MYT1L: variants seen among roughly 807,000 people sequenced by gnomAD.
MYT1L encodes the protein myelin transcription factor 1 like, also known as myelin transcription factor 1-like protein.
A neutral mutation model predicts 126.7 loss-of-function variants in MYT1L; 12 were observed. The observed-to-expected ratio is 0.09, with a 90% CI of 0.06 to 0.15. The LOEUF is 0.15. MYT1L is among the 10% of genes least tolerant of loss of function. The pLI, the probability that MYT1L is intolerant of heterozygous loss-of-function variation, is 1.00. For missense variants in MYT1L, 979 were observed against 1,585.2 expected (o/e 0.62, Z 6.49); for synonymous variants, 541 against 604.2 (o/e 0.90, Z 1.53).
chr2:2,043,803 T>C (rs1400988920), intron 4 of MYT1L, among the ~76,000 whole-genome samples: 1 of 152,228 alleles, frequency 6.6e-6, no homozygotes, highest in Non-Finnish European at 1.5e-5. Flanking sequence ...ATGAATATGG[T>C]ACATAAAAAC....
At chr2:2,322,606 AC>A (rs1054909203) in intron 1 of MYT1L, among the ~76,000 whole-genome samples, 3 of 151,956 alleles carry the variant, frequency 2.0e-5, no homozygotes, top group South Asian at 4.2e-4. Flanking sequence ...AAAAAAAAAA[AC>A]AAAATAGCTG....
At chr2:2,250,066 C>T (rs1462820945) in intron 2 of MYT1L, among the ~76,000 whole-genome samples, 1 of 152,066 alleles carries the variant, frequency 6.6e-6, no homozygotes, top group Non-Finnish European at 1.5e-5. Context: ...CTTATATACT[C>T]TTAGTGGAAA....
At chr2:1,984,563 G>T (rs1228684650) in intron 5 of MYT1L, among the ~76,000 whole-genome samples, 1 of 142,446 alleles carries the variant, frequency 7.0e-6, no homozygotes, top group Non-Finnish European at 1.5e-5. Flanking sequence ...AGGCTGGAGT[G>T]CAGTGGCGCT....
intron 3 of MYT1L, among the ~76,000 whole-genome samples, chr2:2,070,340 C>G (rs531783511): frequency 1.3e-5 from 2 of 152,186 alleles, no homozygotes; most frequent in Non-Finnish European, 2.9e-5. Flanking sequence ...ACCTGCGTTG[C>G]GACACCACCT....
intron 18 of MYT1L, among the ~76,000 whole-genome samples, chr2:1,868,688 C>T (rs1426635769): frequency 2.0e-5 from 3 of 152,192 alleles, no homozygotes; most frequent in South Asian, 2.1e-4. Context: ...CTCTGGCACT[C>T]GTGGGCCTGC....
chr2:2,019,165 T>A (rs969930759), intron 4 of MYT1L, among the ~76,000 whole-genome samples: 4 of 152,166 alleles, frequency 2.6e-5, no homozygotes, highest in African/African-American at 4.8e-5. Flanking sequence ...ATAATTCTCA[T>A]GTGTTGTGGG....
intron 1 of MYT1L, among the ~76,000 whole-genome samples, chr2:2,301,041 G>A (rs1027175894): frequency 6.6e-6 from 1 of 152,074 alleles, no homozygotes; most frequent in Admixed American, 6.5e-5. Context: ...CGAGTGTTCT[G>A]TAAACCCAGA....
At chr2:1,808,315 G>C (rs996352554) in intron 22 of MYT1L, among the ~76,000 whole-genome samples, 2 of 152,200 alleles carry the variant, frequency 1.3e-5, no homozygotes, top group South Asian at 2.1e-4. Context: ...AGCTTGGCTA[G>C]CGTGTGTTTT....
At chr2:1,895,117 G>A (rs1402233048) in intron 14 of MYT1L, among the ~76,000 whole-genome samples, 4 of 152,160 alleles carry the variant, frequency 2.6e-5, no homozygotes, top group Admixed American at 1.3e-4. Flanking sequence ...TAGCCACAAA[G>A]AAAAGGAAAT....
At chr2:2,076,396 T>C (rs1466499797) in intron 3 of MYT1L, among the ~76,000 whole-genome samples, 2 of 152,176 alleles carry the variant, frequency 1.3e-5, no homozygotes, top group African/African-American at 2.4e-5. Context: ...TGGCAGATGG[T>C]AGAAGCTGTT....
chr2:2,149,882 C>T (rs2085465189), intron 3 of MYT1L, among the ~76,000 whole-genome samples: 1 of 152,198 alleles, frequency 6.6e-6, no homozygotes, highest in South Asian at 2.1e-4. Flanking sequence ...CCCTCTCCAA[C>T]TGCATGTGTG....
intron 14 of MYT1L, among the ~76,000 whole-genome samples, chr2:1,896,537 G>A (rs1425936259): frequency 6.6e-6 from 1 of 152,338 alleles, no homozygotes; most frequent in South Asian, 2.1e-4. Context: ...CATGTCATTT[G>A]CAGTAACATG....
chr2:1,794,242 C>A (rs1157530277), intron 23 of MYT1L, among the ~76,000 whole-genome samples: 2 of 152,350 alleles, frequency 1.3e-5, no homozygotes, highest in South Asian at 2.1e-4. Flanking sequence ...GCTCAGGGAA[C>A]CCTGCAGAGG....
intron 18 of MYT1L, among the ~76,000 whole-genome samples, chr2:1,874,923 G>C (rs1318815868): frequency 6.6e-6 from 1 of 152,182 alleles, no homozygotes; most frequent in Non-Finnish European, 1.5e-5. Context: ...TGGACAGGCA[G>C]CCTCCTTTCT....
chr2:1,904,110 C>T (rs948680504), intron 13 of MYT1L, among the ~76,000 whole-genome samples: 6 of 152,178 alleles, frequency 3.9e-5, no homozygotes, highest in African/African-American at 9.7e-5. Context: ...TCTTCATAAC[C>T]GTCAGACAAG....
At chr2:2,253,556 G>A (rs551087382) in intron 2 of MYT1L, among the ~76,000 whole-genome samples, 1 of 152,310 alleles carries the variant, frequency 6.6e-6, no homozygotes, top group East Asian at 1.9e-4. Flanking sequence ...GTGCCAAGAA[G>A]GGCATGCAAA....
rs934081351 is a variant in MYT1L, at chr2:1,815,634, T to G, written c.3081-6467A>C. Among the ~76,000 whole-genome samples, 9 of 151,886 alleles carry G rather than the reference T, an allele frequency of 5.9e-5. 1 individual carries two copies. The East Asian group carries it at 1.7e-3, about 29-fold the overall frequency. The stretch of plus-strand genomic sequence containing the variant: ...CACTCTGATTCTGAGGAGGGAAGAG[T>G]GTGGGGGAGCACCCCCCTGGGTACA... On this transcript the variant is annotated intron_variant, in intron 21 of 24. Coordinates refer to ENST00000647738, the MANE Select transcript of MYT1L (RefSeq NM_001303052.2).
At position 2,150,087 on chromosome 2, in the gene MYT1L, G is replaced by A. The variant is rs1404491058; in HGVS notation, c.-304+22785C>T. Among the ~76,000 whole-genome samples, 3 of 152,078 alleles carry A rather than the reference G, an allele frequency of 2.0e-5. No homozygotes were observed. In the East Asian group the frequency reaches 5.8e-4, roughly 29 times the overall value. ...CCATCTTCCACCTCCCTTTACACCG[G>A]TGGGACAGGTTGTCTTAGAGTCAGC... On this transcript the variant is annotated intron_variant, in intron 3 of 24. Coordinates refer to ENST00000647738, the MANE Select transcript of MYT1L (RefSeq NM_001303052.2).
intron 2 of MYT1L, among the ~76,000 whole-genome samples, chr2:2,201,869 C>G (rs1011481182): frequency 2.6e-5 from 4 of 152,140 alleles, no homozygotes; most frequent in African/African-American, 9.7e-5. Context: ...GACACTTAAT[C>G]ATTACTTGAG....
Sources: gnomAD v4.1 joint callset for allele counts (sites outside exome capture counted in the v4.1 genomes callset) on GRCh38, gnomAD v4.1.1 for gene constraint, MANE v1.5 for transcripts, NCBI Gene and HGNC (gene_info 2026-07-23, HGNC 2026-07-21) for gene names.